The following C10orf90 variants were observed in gnomAD, a reference collection of about 807,000 sequenced individuals.
C10orf90 encodes chromosome 10 open reading frame 90, also known as (E2-independent) E3 ubiquitin-conjugating enzyme FATS.
A neutral mutation model predicts 62.5 loss-of-function variants in C10orf90; 56 were observed. That is an observed-to-expected ratio of 0.90 (90% CI 0.72 to 1.12). C10orf90 has a LOEUF of 1.12. Among genes scored for constraint, C10orf90 ranks in the 50% most tolerant of loss-of-function variants. The pLI, the probability that C10orf90 is intolerant of heterozygous loss-of-function variation, is 0.00. For missense variants in C10orf90, 970 were observed against 880.4 expected (o/e 1.10, Z -1.29); for synonymous variants, 386 against 340.4 (o/e 1.13, Z -1.47).
At chr10:126,516,907 C>T (rs1287255864) in intron 2 of C10orf90, among the ~76,000 whole-genome samples, 2 of 152,216 alleles carry the variant, frequency 1.3e-5, no homozygotes, top group African/African-American at 4.8e-5. Context: ...ACTTCTGCTT[C>T]CAATATCACA....
chr10:126,631,804 C>T (rs2133830571), intron 2 of C10orf90, among the ~76,000 whole-genome samples: 1 of 151,852 alleles, frequency 6.6e-6, no homozygotes, highest in South Asian at 2.1e-4. Context: ...AGCAGAGGCA[C>T]AGGCAGCAGC....
At chr10:126,539,470 C>A (rs1014043497) in intron 2 of C10orf90, among the ~76,000 whole-genome samples, 3 of 152,054 alleles carry the variant, frequency 2.0e-5, no homozygotes, top group Non-Finnish European at 4.4e-5. Flanking sequence ...AAGCTACTGC[C>A]ATGTACCATG....
rs531225407 is a variant in C10orf90 at position 126,453,543 on chromosome 10, T to C, written c.2188+5497A>G. Among the ~76,000 whole-genome samples the C allele has an allele frequency of 6.6e-5, 10 of 152,116 alleles. No individual in the cohort carries two copies. In the East Asian group the frequency reaches 1.9e-3, roughly 29 times the overall value. On this transcript the variant is annotated intron_variant, in intron 7 of 9. Transcript: ENST00000488181. This position sits in a 1 kb window ranked among gnomAD's most constrained non-coding sequence, Gnocchi z 4.9. The stretch of plus-strand genomic sequence containing the variant: ...ACATTCGAAGGTTAAGGGGACAAAC[T>C]GAGAGAGCCATGGAAGAGGACCCGG...
intron 2 of C10orf90, among the ~76,000 whole-genome samples, chr10:126,565,359 ATATATTATTT>A: frequency 1.4e-5 from 1 of 69,430 alleles, no homozygotes; most frequent in African/African-American, 5.6e-5. Flanking sequence ...AATATATAAT[ATATATTATTT>A]TATATAATAA....
At chr10:126,513,567 T>A (rs1263182652) in intron 3 of C10orf90, among the ~76,000 whole-genome samples, 4 of 152,242 alleles carry the variant, frequency 2.6e-5, no homozygotes, top group African/African-American at 9.6e-5. Flanking sequence ...AAATGCTGTA[T>A]GGCATAATTC....
At chr10:126,525,556 C>T (rs1219685153) in intron 2 of C10orf90, among the ~76,000 whole-genome samples, 1 of 152,126 alleles carries the variant, frequency 6.6e-6, no homozygotes. Context: ...GAGGTTGGGG[C>T]AGCATGTGAA....
At chr10:126,547,292 G>A (rs56060047) in intron 2 of C10orf90, among the ~76,000 whole-genome samples, 41,151 of 151,146 alleles carry the variant, frequency 0.27, 6,074 homozygotes, top group East Asian at 0.38. Flanking sequence ...GGTGGCGGGC[G>A]CCTGTAGTCC....
At chr10:126,429,629 G>A (rs190050396) in intron 8 of C10orf90, among the ~76,000 whole-genome samples, 158 bp downstream of exon 8, 86 of 152,154 alleles carry the variant, frequency 5.7e-4, no homozygotes, top group African/African-American at 1.9e-3. Flanking sequence ...TTCAACTACC[G>A]TACTTATTTT....
intron 2 of C10orf90, among the ~76,000 whole-genome samples, chr10:126,624,717 T>C (rs1198327506): frequency 1.3e-5 from 2 of 152,182 alleles, no homozygotes; most frequent in African/African-American, 4.8e-5. Context: ...AGAGCACCCA[T>C]AGGTGTCACC....
At chr10:126,603,643 C>A (rs903566561) in intron 2 of C10orf90, among the ~76,000 whole-genome samples, 1 of 152,112 alleles carries the variant, frequency 6.6e-6, no homozygotes, top group Non-Finnish European at 1.5e-5. Flanking sequence ...TGTAAAAGGG[C>A]CCTAAGAGTT....
At chr10:126,540,515 C>T (rs1484308738) in intron 2 of C10orf90, among the ~76,000 whole-genome samples, 2 of 152,042 alleles carry the variant, frequency 1.3e-5, no homozygotes, top group Admixed American at 1.3e-4. Flanking sequence ...AAAAGTTGGT[C>T]AAGCGTGGTG....
At chr10:126,560,480 G>A (rs922322626) in intron 2 of C10orf90, among the ~76,000 whole-genome samples, 13 of 152,228 alleles carry the variant, frequency 8.5e-5, no homozygotes, top group East Asian at 7.7e-4. Context: ...AGGAAGCCTC[G>A]TCACTGTGTC....
At chr10:126,533,222 C>G (rs2133958245) in intron 2 of C10orf90, among the ~76,000 whole-genome samples, 1 of 152,270 alleles carries the variant, frequency 6.6e-6, no homozygotes, top group East Asian at 1.9e-4. Context: ...GCGGGAGCCA[C>G]AGCACCCGGC....
chr10:126,651,704 C>T (rs189998588), intron 1 of C10orf90, among the ~76,000 whole-genome samples: 1 of 152,266 alleles, frequency 6.6e-6, no homozygotes, highest in African/African-American at 2.4e-5. Context: ...CCAGTGCCCT[C>T]CCCCACTAAC....
Position 126,442,651 on chromosome 10 carries a change from A to G in C10orf90, c.2189-12801T>C, listed in dbSNP as rs1297302635. On this transcript the variant is annotated intron_variant, in intron 7 of 9. Coordinates refer to ENST00000488181, the MANE Select transcript of C10orf90 (RefSeq NM_001350921.2). ...TGTGTGTGTATATATATATATATAT[A>G]TATATATATATATATATATATATAT... Among the ~76,000 whole-genome samples, 45 of 53,324 alleles carry G rather than the reference A, an allele frequency of 8.4e-4. 1 individual carries two copies. Among genetic ancestry groups the G allele is most frequent in the Non-Finnish European group, 1.5e-3 (32 of 20,964 alleles). The allele number at this position is 53,324 out of a possible 152,430, so 35.0% of individuals were successfully genotyped here.
intron 2 of C10orf90, among the ~76,000 whole-genome samples, chr10:126,563,434 G>T (rs966184201): frequency 2.0e-5 from 3 of 152,158 alleles, no homozygotes; most frequent in Non-Finnish European, 4.4e-5. Flanking sequence ...AAGCTCCTGT[G>T]GTCACTGGGT....
At chr10:126,635,779 A>G (rs1391609353) in intron 2 of C10orf90, among the ~76,000 whole-genome samples, 1 of 152,236 alleles carries the variant, frequency 6.6e-6, no homozygotes, top group Middle Eastern at 3.4e-3. Context: ...CTCCACTTTA[A>G]TCTGTTATAT....
intron 4 of C10orf90, among the ~76,000 whole-genome samples, chr10:126,487,142 C>CAAAAA (rs1158481155): frequency 1.5e-3 from 44 of 29,418 alleles, no homozygotes; most frequent in Admixed American, 2.5e-3. Context: ...AAAACTCTGT[C>CAAAAA]AAAAAAAAAA....
At chr10:126,506,675 C>T (rs1366336650) in intron 3 of C10orf90, among the ~76,000 whole-genome samples, 1 of 152,172 alleles carries the variant, frequency 6.6e-6, no homozygotes, top group Non-Finnish European at 1.5e-5. Flanking sequence ...TGATCTGGGT[C>T]ACACACTTTG....
Sources: gnomAD v4.1 joint callset for allele counts (sites outside exome capture counted in the v4.1 genomes callset) on GRCh38, gnomAD v4.1.1 for gene constraint, Gnocchi (gnomAD v3.1) non-coding constraint, MANE v1.5 for transcripts, NCBI Gene and HGNC (gene_info 2026-07-23, HGNC 2026-07-21) for gene names.